Variants in PDS5B observed in about 807,000 individuals in gnomAD.
PDS5B encodes PDS5 cohesin associated factor B.
Under a neutral mutation model 184.1 loss-of-function variants are expected in PDS5B, and 51 were observed. The ratio of observed to expected loss-of-function variants is 0.28; its 90% confidence interval spans 0.22 to 0.35. The LOEUF (loss-of-function observed/expected upper bound fraction) is 0.35. PDS5B is among the 10% of genes least tolerant of loss of function. The pLI is 1.00. For synonymous variants in PDS5B, 566 were observed against 569.2 expected, an observed-to-expected ratio of 0.99 and a Z score of 0.08; for missense variants, 1,180 against 1,723.3, an observed-to-expected ratio of 0.68 and a Z score of 5.58.
At chr13:32,677,525 T>C (rs1951104712) in intron 9 of PDS5B, among the ~76,000 whole-genome samples, 3 of 152,154 alleles carry the variant, frequency 2.0e-5, no homozygotes, top group Non-Finnish European at 4.4e-5. Context: ...TTAGTATATT[T>C]ATTTTTAATT....
At chr13:32,741,873 C>T (rs757610871) in intron 22 of PDS5B, among the ~76,000 whole-genome samples, 3 of 152,058 alleles carry the variant, frequency 2.0e-5, no homozygotes, top group African/African-American at 7.2e-5. Context: ...CTTTGAGTCT[C>T]AGTATAAACC....
rs1954995633 is a variant in PDS5B, at chr13:32,777,702, C to A, written c.*2650C>A. 6.6e-6 allele frequency: 1 copy of A among 152,348 alleles called. No individual in the cohort carries two copies. Among genetic ancestry groups the A allele is most frequent in the Admixed American group, 6.6e-5 (1 of 15,248 alleles). The allele number at this position is 152,348 out of a possible 1,614,324, so 9.4% of individuals were successfully genotyped here. ...TTTAATCTACATTATAATAAAATTTCTTGCTGCAGTGCAACAGGAGGCTTT... is the reference window on the plus strand; with the variant it reads ...TTTAATCTACATTATAATAAAATTTATTGCTGCAGTGCAACAGGAGGCTTT... On this transcript the variant is annotated 3_prime_UTR_variant, in exon 35 of 35. Coordinates refer to ENST00000315596, the MANE Select transcript of PDS5B (RefSeq NM_015032.4).
intron 1 of PDS5B, among the ~76,000 whole-genome samples, chr13:32,642,800 A>G (rs1950132982): frequency 6.6e-6 from 1 of 151,980 alleles, no homozygotes; most frequent in Non-Finnish European, 1.5e-5. Flanking sequence ...TATTATTACC[A>G]CTTTACCCCT....
intron 10 of PDS5B, 151 bp downstream of exon 10, chr13:32,679,080 A>AC: frequency 2.8e-6 from 1 of 362,138 alleles, no homozygotes; most frequent in South Asian, 5.5e-5. Flanking sequence ...CTGAAGCTAG[A>AC]TTTTTTTTTT....
chr13:32,742,763 A>G, intron 23 of PDS5B, 36 bp downstream of exon 23: 1 of 1,583,402 alleles, frequency 6.3e-7, no homozygotes, highest in South Asian at 1.1e-5. Context: ...TTTGGATTGC[A>G]TAATATTTCA....
chr13:32,620,904 C>T (rs1036420475), intron 1 of PDS5B, among the ~76,000 whole-genome samples: 1 of 152,140 alleles, frequency 6.6e-6, no homozygotes, highest in Admixed American at 6.5e-5. Context: ...TGATAATAAA[C>T]CAACCTTGCA....
intron 21 of PDS5B, among the ~76,000 whole-genome samples, chr13:32,738,257 G>A (rs772698851): frequency 1.3e-5 from 2 of 151,846 alleles, no homozygotes; most frequent in South Asian, 4.2e-4. Context: ...GATGAATCAC[G>A]GTATATAGAC....
Position 32,770,741 on chromosome 13 carries a change from A to T in PDS5B, c.4152A>T (p.Pro1384=). 2 of 1,607,028 alleles carry T rather than the reference A, an allele frequency of 1.2e-6. No individual in the cohort carries two copies. The highest frequency in any genetic ancestry group is 1.7e-6 in the Non-Finnish European group (2 of 1,176,498). ...GAAGACCATCAAAAACGCCATCACC[A>T]TCACAACCAAAAAAAAATGTGTAAG... ...GRGRPSKTPS[P]SQPKKNVRVG... The change falls in exon 33 of 35, where the codon CCA becomes CCT. Residue 1384 remains proline, a synonymous_variant. Coordinates refer to ENST00000315596, the MANE Select transcript of PDS5B (RefSeq NM_015032.4).
At chr13:32,737,481 G>A (rs568402571) in intron 21 of PDS5B, among the ~76,000 whole-genome samples, 3 of 152,016 alleles carry the variant, frequency 2.0e-5, no homozygotes, top group Non-Finnish European at 2.9e-5. Flanking sequence ...ATCATTAATC[G>A]TCTGTGTGAA....
In PDS5B at chr13:32,773,297, A is replaced by G. The variant is rs548455282; in HGVS notation, c.4281A>G (p.Thr1427=). Residue 1427 remains threonine (T), a synonymous_variant, in exon 34 of 35, where the codon ACA becomes ACG. Coordinates refer to ENST00000315596, the MANE Select transcript of PDS5B (RefSeq NM_015032.4). ...TCGATGATATTCCACAGGAAGAAAC[A>G]GAGGAGGAGGAAGTTTCTACAGTAA... ...SPVDDIPQEE[T]EEEEVSTVNV... is the part of the protein sequence containing the mutation. The G allele has an allele frequency of 1.9e-6, 3 of 1,612,732 alleles. No homozygotes were observed. The South Asian group carries it at 3.3e-5, about 18-fold the overall frequency.
intron 33 of PDS5B, 173 bp downstream of exon 33, chr13:32,770,934 T>G: frequency 1.7e-6 from 1 of 600,724 alleles, no homozygotes; most frequent in Non-Finnish European, 3.0e-6. Flanking sequence ...ATAAACTATC[T>G]TGTACATTTT....
intron 11 of PDS5B, among the ~76,000 whole-genome samples, chr13:32,685,670 A>T (rs553174931): frequency 4.3e-4 from 66 of 152,082 alleles, no homozygotes; most frequent in Non-Finnish European, 8.5e-4. Context: ...TTTTGAGACA[A>T]AGTCTCCCTT....
chr13:32,646,657 A>G (rs1042841771), intron 1 of PDS5B, among the ~76,000 whole-genome samples: 1 of 151,266 alleles, frequency 6.6e-6, no homozygotes, highest in Admixed American at 6.6e-5. Flanking sequence ...TTCAGCATGT[A>G]TCCACTTTTT....
At chr13:32,662,473 T>C (rs1950676746) in intron 6 of PDS5B, among the ~76,000 whole-genome samples, 1 of 152,140 alleles carries the variant, frequency 6.6e-6, no homozygotes, top group Non-Finnish European at 1.5e-5. Flanking sequence ...GCAAATTCAC[T>C]ATTTGTGTTC....
At chr13:32,646,501 A>G (rs1593326295) in intron 1 of PDS5B, among the ~76,000 whole-genome samples, 1 of 145,832 alleles carries the variant, frequency 6.9e-6, no homozygotes, top group South Asian at 2.2e-4. Context: ...ATTTTTTTAT[A>G]TGTCTTACGG....
chr13:32,655,228 A>G (rs996390354), intron 3 of PDS5B, among the ~76,000 whole-genome samples: 1 of 150,204 alleles, frequency 6.7e-6, no homozygotes, highest in Non-Finnish European at 1.5e-5. Context: ...AGCCATTCTG[A>G]CTGGTACGAG....
intron 16 of PDS5B, among the ~76,000 whole-genome samples, chr13:32,700,592 T>A (rs1951837159): frequency 6.6e-6 from 1 of 152,170 alleles, no homozygotes; most frequent in Non-Finnish European, 1.5e-5. Context: ...TATAGAATGG[T>A]ATTTATCTTA....
intron 11 of PDS5B, among the ~76,000 whole-genome samples, chr13:32,685,634 A>G (rs1413505926): frequency 1.3e-5 from 2 of 152,162 alleles, no homozygotes; most frequent in Admixed American, 1.3e-4. Context: ...CAAACTTTTT[A>G]TAAACAAATT....
chr13:32,602,422 T>G (rs374286714), intron 1 of PDS5B, among the ~76,000 whole-genome samples: 24 of 152,338 alleles, frequency 1.6e-4, no homozygotes, highest in East Asian at 1.3e-3. Flanking sequence ...ACAAAGGACA[T>G]GAACTCATCC....
Sources: gnomAD v4.1 joint callset for allele counts (sites outside exome capture counted in the v4.1 genomes callset) on GRCh38, gnomAD v4.1.1 for gene constraint, MANE v1.5 for transcripts, NCBI Gene and HGNC (gene_info 2026-07-23, HGNC 2026-07-21) for gene names.